The following SP100 variants were observed in gnomAD, a reference collection of about 807,000 sequenced individuals.
SP100 encodes the protein nuclear autoantigen Sp-100.
In SP100, 84 loss-of-function variants were observed where a neutral mutation model predicts 130.0. That is an observed-to-expected ratio of 0.65 (90% CI 0.54 to 0.77). SP100 has a LOEUF of 0.77. SP100 is among the 30% of genes least tolerant of loss of function. The probability of loss-of-function intolerance (pLI) is 0.00; values close to 1 mark genes in which losing one functional copy is unlikely to be tolerated. For synonymous variants in SP100, 331 were observed against 351.7 expected, an observed-to-expected ratio of 0.94 and a Z score of 0.66; for missense variants, 978 against 1,052.2, an observed-to-expected ratio of 0.93 and a Z score of 0.97.
chr2:230,454,988 G>A (rs1321547501), intron 8 of SP100, among the ~76,000 whole-genome samples: 1 of 152,086 alleles, frequency 6.6e-6, no homozygotes, highest in African/African-American at 2.4e-5. Flanking sequence ...GTTTACAATT[G>A]TTATATCATC....
intron 8 of SP100, among the ~76,000 whole-genome samples, chr2:230,457,833 C>T (rs2064361658): frequency 6.6e-6 from 1 of 152,156 alleles, no homozygotes; most frequent in Non-Finnish European, 1.5e-5. Context: ...TGCTCTACTT[C>T]TCCCCAATTT....
At chr2:230,449,795 G>T (rs1487562239) in intron 7 of SP100, 85 bp downstream of exon 7, 1 of 1,371,364 alleles carries the variant, frequency 7.3e-7, no homozygotes, top group Non-Finnish European at 1.0e-6. Flanking sequence ...CACAATACAA[G>T]GAGACACCTG....
At chr2:230,470,254 G>C in intron 15 of SP100, 156 bp downstream of exon 15, 1 of 1,342,852 alleles carries the variant, frequency 7.4e-7, no homozygotes, top group Non-Finnish European at 9.6e-7. Context: ...AATGGAAAGA[G>C]GCAGGAAATT....
intron 24 of SP100, among the ~76,000 whole-genome samples, chr2:230,527,963 C>T (rs1041310070): frequency 1.3e-5 from 2 of 152,138 alleles, no homozygotes; most frequent in African/African-American, 4.8e-5. Flanking sequence ...GACTGAGACT[C>T]CCACACAATA....
rs773875970 is a variant in SP100 at position 230,446,924 on chromosome 2, CT to C, written c.523+28del. 8.8e-5 allele frequency: 131 copies of C among 1,482,822 alleles called. 1 individual carries two copies. The African/African-American group carries it at 1.4e-3, about 16-fold the overall frequency. The allele number at this position is 1,482,822 out of a possible 1,614,324, so 91.9% of individuals were successfully genotyped here. A position where few individuals can be genotyped will look rare whatever the true frequency, so the allele number is the denominator to read the frequency against. ...CAAGGTAAAAATGACAGAATAAAAG[CT>C]TTTTTCTAAGAGAGGTTAGGGATCC... On this transcript the variant is annotated intron_variant, in intron 5 of 28. Transcript: ENST00000340126.
intron 24 of SP100, among the ~76,000 whole-genome samples, chr2:230,529,701 T>TC (rs896704000): frequency 9.9e-5 from 15 of 152,170 alleles, no homozygotes; most frequent in Admixed American, 7.9e-4. Context: ...GCCCAAAATC[T>TC]CCTTAAGCTG....
At chr2:230,498,303 C>A (rs1313465000) in intron 18 of SP100, among the ~76,000 whole-genome samples, 158 bp from the exon 19 acceptor site, 1 of 152,002 alleles carries the variant, frequency 6.6e-6, no homozygotes, top group Non-Finnish European at 1.5e-5. Flanking sequence ...CCCAGGTTAA[C>A]CATCAAAGGC....
At chr2:230,467,897 A>G (rs2065042367) in intron 13 of SP100, among the ~76,000 whole-genome samples, 1 of 152,204 alleles carries the variant, frequency 6.6e-6, no homozygotes, top group African/African-American at 2.4e-5. Flanking sequence ...TTTGTCACCA[A>G]CTTGTTCAAA....
At chr2:230,493,263 G>C (rs1216645432) in intron 17 of SP100, among the ~76,000 whole-genome samples, 3 of 151,924 alleles carry the variant, frequency 2.0e-5, no homozygotes, top group African/African-American at 7.3e-5. Flanking sequence ...TGTCACCCAG[G>C]CTGGAGTGCA....
intron 2 of SP100, among the ~76,000 whole-genome samples, chr2:230,422,676 C>T (rs1469388232): frequency 6.6e-6 from 1 of 152,110 alleles, no homozygotes; most frequent in East Asian, 1.9e-4. Context: ...TCTTTTCTGC[C>T]TCTAACTCTC....
chr2:230,438,639 G>GTATATATATA (rs142300655), intron 2 of SP100, among the ~76,000 whole-genome samples: 59 of 135,136 alleles, frequency 4.4e-4, no homozygotes, highest in African/African-American at 1.6e-3. Context: ...ACTCCATGGT[G>GTATATATATA]TATATATATA....
At chr2:230,430,567 G>A (rs953503476) in intron 2 of SP100, among the ~76,000 whole-genome samples, 1 of 152,262 alleles carries the variant, frequency 6.6e-6, no homozygotes, top group African/African-American at 2.4e-5. Flanking sequence ...CAGGAAGGTA[G>A]CATAAATTTC....
intron 23 of SP100, chr2:230,509,252 G>C (rs933080054): frequency 6.6e-6 from 1 of 152,188 alleles, no homozygotes; most frequent in Non-Finnish European, 1.5e-5. Flanking sequence ...GGGTATAAGA[G>C]AGAACCTGGT....
In SP100 at chr2:230,495,941, A is replaced by G. The variant is rs75996049; in HGVS notation, c.1645+1481A>G. Among the ~76,000 whole-genome samples, 29 of 152,296 alleles carry G rather than the reference A, an allele frequency of 1.9e-4. No individual in the cohort carries two copies. The East Asian group carries it at 5.4e-3, about 28-fold the overall frequency. ...GTCTGTCACTCATATACATAGATAT[A>G]TATGTTTATGTAAATGATATATTTT... On this transcript the variant is annotated intron_variant, in intron 18 of 28. Transcript: ENST00000340126.
rs76792105 is a variant in SP100 at position 230,517,188 on chromosome 2, A to G, written c.2094+6022A>G. Among the ~76,000 whole-genome samples the G allele has an allele frequency of 1.3e-4, 20 of 152,340 alleles. No individual in the cohort carries two copies. In the East Asian group the frequency reaches 3.3e-3, roughly 25 times the overall value. Reference sequence around the variant, plus strand: ...TTCTTTCAGGTCCCTCAGAGGTCCAACTGGAAAATAGCAAAGTAAATTTTA... The same window carrying G: ...TTCTTTCAGGTCCCTCAGAGGTCCAGCTGGAAAATAGCAAAGTAAATTTTA... On this transcript the variant is annotated intron_variant, in intron 24 of 28. Coordinates refer to ENST00000340126, the MANE Select transcript of SP100 (RefSeq NM_001080391.2).
chr2:230,425,671 T>C (rs2062906951), intron 2 of SP100, among the ~76,000 whole-genome samples: 1 of 152,228 alleles, frequency 6.6e-6, no homozygotes, highest in Non-Finnish European at 1.5e-5. Flanking sequence ...TAGTATTTTG[T>C]TGAGAATTGT....
chr2:230,436,908 A>T (rs1383743012), intron 2 of SP100, among the ~76,000 whole-genome samples: 2 of 151,068 alleles, frequency 1.3e-5, no homozygotes, highest in African/African-American at 4.9e-5. Context: ...ACACACACGC[A>T]TATATGTGTA....
At chr2:230,542,156 C>A (rs1481828548) in intron 28 of SP100, 121 bp downstream of exon 28, 4 of 1,062,652 alleles carry the variant, frequency 3.8e-6, no homozygotes, top group Non-Finnish European at 4.2e-6. Flanking sequence ...CAAGCCCATA[C>A]AAGTACAAAT....
chr2:230,522,475 TC>T (rs1232015942), intron 24 of SP100, among the ~76,000 whole-genome samples: 1 of 114,674 alleles, frequency 8.7e-6, no homozygotes, highest in African/African-American at 3.4e-5. Flanking sequence ...GCCCCAGTGT[TC>T]TTTTTTTTTT....
Sources: allele counts gnomAD v4.1 joint callset (sites outside exome capture counted in the v4.1 genomes callset), GRCh38; gene constraint gnomAD v4.1.1; transcripts MANE v1.5; gene names NCBI Gene and HGNC (gene_info 2026-07-23, HGNC 2026-07-21).